STOX2: variants seen among roughly 807,000 people sequenced by gnomAD.
STOX2 encodes storkhead box 2.
STOX2 carries 28 observed loss-of-function variants against 60.9 expected under a neutral mutation model. The observed-to-expected ratio is 0.46, with a 90% confidence interval of 0.34 to 0.63. STOX2 has a LOEUF of 0.63. STOX2 is among the 30% of genes least tolerant of loss of function. The pLI is 0.01. For missense variants in STOX2, 1,024 were observed against 1,187.7 expected, an observed-to-expected ratio of 0.86 and a Z score of 2.03; for synonymous variants, 472 against 463.9, an observed-to-expected ratio of 1.02 and a Z score of -0.22.
intron 1 of STOX2, among the ~76,000 whole-genome samples, chr4:183,861,020 TCCTTTTCAG>T (rs1740428784): frequency 6.6e-6 from 1 of 152,174 alleles, no homozygotes; most frequent in South Asian, 2.1e-4. Flanking sequence ...GAGAAACAAA[TCCTTTTCAG>T]TTGTTGTTAC....
At chr4:183,912,129 C>T (rs72998731) in intron 1 of STOX2, among the ~76,000 whole-genome samples, 2,145 of 152,328 alleles carry the variant, frequency 0.014, 50 homozygotes, top group African/African-American at 0.049. Flanking sequence ...TCCTCTTCAT[C>T]TCTGTTGCTG....
chr4:183,990,230 A>G (rs895122520), intron 1 of STOX2, among the ~76,000 whole-genome samples: 1 of 152,240 alleles, frequency 6.6e-6, no homozygotes, highest in Non-Finnish European at 1.5e-5. Context: ...CCCATCCTTA[A>G]GGACCTATTC....
At chr4:183,801,105 TC>T (rs1012459846) in intron 1 of STOX2, among the ~76,000 whole-genome samples, 1 of 152,212 alleles carries the variant, frequency 6.6e-6, no homozygotes, top group African/African-American at 2.4e-5. Flanking sequence ...CTGTAAAACT[TC>T]AGGTGAGGGT....
intron 1 of STOX2, among the ~76,000 whole-genome samples, chr4:183,881,970 A>G (rs1242335463): frequency 1.3e-5 from 2 of 152,224 alleles, no homozygotes; most frequent in South Asian, 2.1e-4. Flanking sequence ...GAGCTGACCT[A>G]GAACTGAATT....
chr4:183,913,694 C>A (rs1289092877), intron 1 of STOX2, among the ~76,000 whole-genome samples: 2 of 151,968 alleles, frequency 1.3e-5, no homozygotes, highest in Non-Finnish European at 2.9e-5. Flanking sequence ...TCTCTTGAAC[C>A]CTGGAGGTGG....
chr4:183,852,647 C>T (rs887016060), intron 1 of STOX2, among the ~76,000 whole-genome samples: 5 of 152,170 alleles, frequency 3.3e-5, no homozygotes, highest in Non-Finnish European at 7.3e-5. Flanking sequence ...CACCCTGTAC[C>T]TCGGAAGCAG....
chr4:183,856,569 G>A lies in STOX2; in HGVS notation c.364+58514G>A, dbSNP rs146901768. On this transcript the variant is annotated intron_variant, in intron 1 of 2. Coordinates refer to the STOX2 transcript ENST00000513034. The surrounding 1 kb of genome is among the most constrained non-coding windows in gnomAD (Gnocchi z 4.0). ...CCTTCCAAAGCCTTGTCTAAAAGCC[G>A]TCCCTGCTCTCAGCCACCTGCCCCT... 7.9e-5 allele frequency among the ~76,000 whole-genome samples: 12 copies of A among 152,270 alleles called. No homozygotes were observed. Among genetic ancestry groups the A allele is most frequent in the Middle Eastern group, 3.4e-3 (1 of 294 alleles).
intron 1 of STOX2, among the ~76,000 whole-genome samples, chr4:183,982,705 C>T (rs1417963892): frequency 2.6e-5 from 4 of 152,148 alleles, no homozygotes; most frequent in Non-Finnish European, 4.4e-5. Context: ...CGTTGTGAAA[C>T]TCATGCATTT....
intron 1 of STOX2, among the ~76,000 whole-genome samples, chr4:183,921,685 C>T (rs1485434067): frequency 2.0e-5 from 3 of 152,096 alleles, no homozygotes; most frequent in Non-Finnish European, 4.4e-5. Flanking sequence ...TAAAGGAAAC[C>T]CCAGCTCTTT....
rs181342617 is a variant in STOX2, at chr4:183,872,210, A to C, written c.364+74155A>C. On this transcript the variant is annotated intron_variant, in intron 1 of 2. Transcript: ENST00000513034. ...GCTGAGATTACAGGCGCCCACAATC[A>C]TGCTCAGGTAATTTTTGTAGTTTTT... is the stretch of plus-strand genomic sequence containing the variant. 2.0e-4 allele frequency among the ~76,000 whole-genome samples: 31 copies of C among 152,242 alleles called. 1 individual carries two copies. The highest frequency in any genetic ancestry group is 7.2e-4 in the African/African-American group (30 of 41,552).
intron 1 of STOX2, among the ~76,000 whole-genome samples, chr4:183,805,028 G>A (rs2117689): frequency 0.18 from 26,633 of 152,146 alleles, 2,428 homozygotes; most frequent in African/African-American, 0.22. Flanking sequence ...TCTTGCGACG[G>A]GTTGAAAGTA....
rs947468246 is a variant in STOX2 at position 183,856,636 on chromosome 4, G to A, written c.364+58581G>A. 2.0e-5 allele frequency among the ~76,000 whole-genome samples: 3 copies of A among 152,152 alleles called. No individual in the cohort carries two copies. Among genetic ancestry groups the A allele is most frequent in the Non-Finnish European group, 2.9e-5 (2 of 68,036 alleles). On this transcript the variant is annotated intron_variant, in intron 1 of 2. Transcript: ENST00000513034. This position sits in a 1 kb window ranked among gnomAD's most constrained non-coding sequence, Gnocchi z 4.0. ...TGGTAGGGTGGTTCATGTGAACATC[G>A]CTTTGCAGTTAGCTGTCTCGGACTC...
intron 1 of STOX2, among the ~76,000 whole-genome samples, chr4:183,868,201 T>C (rs992562014): frequency 6.6e-6 from 1 of 152,006 alleles, no homozygotes; most frequent in Non-Finnish European, 1.5e-5. Context: ...ACTTTGCTAA[T>C]ACAGTTTAGT....
intron 1 of STOX2, among the ~76,000 whole-genome samples, chr4:183,987,045 AT>A: frequency 6.6e-6 from 1 of 152,138 alleles, no homozygotes; most frequent in East Asian, 1.9e-4. Flanking sequence ...ACCCACCTCT[AT>A]GGGTTTCTGA....
At chr4:184,002,618 T>C (rs1248674946) in intron 2 of STOX2, among the ~76,000 whole-genome samples, 1 of 152,200 alleles carries the variant, frequency 6.6e-6, no homozygotes, top group East Asian at 1.9e-4. Flanking sequence ...ACTTGCGGGA[T>C]GGCAGAGGCA....
chr4:183,964,879 C>T (rs933501668), intron 1 of STOX2, among the ~76,000 whole-genome samples: 1 of 152,202 alleles, frequency 6.6e-6, no homozygotes, highest in African/African-American at 2.4e-5. Flanking sequence ...CCACTGTGCC[C>T]AGCCAAATTG....
intron 1 of STOX2, among the ~76,000 whole-genome samples, chr4:183,986,836 T>G (rs913403761): frequency 2.0e-5 from 3 of 151,828 alleles, no homozygotes; most frequent in Middle Eastern, 3.2e-3. Flanking sequence ...ATCACCGGAG[T>G]CAGGAGAGGA....
chr4:183,924,088 G>C (rs1400836714), intron 1 of STOX2, among the ~76,000 whole-genome samples: 1 of 152,184 alleles, frequency 6.6e-6, no homozygotes, highest in Non-Finnish European at 1.5e-5. Context: ...TGTACAGTTA[G>C]GTTTGGTAGC....
intron 1 of STOX2, among the ~76,000 whole-genome samples, chr4:183,819,328 C>T (rs1440230830): frequency 2.0e-5 from 3 of 151,942 alleles, no homozygotes; most frequent in Admixed American, 1.3e-4. Flanking sequence ...AGATCACTCC[C>T]GGTTAGGAGC....
Sources: gnomAD v4.1 joint callset for allele counts (sites outside exome capture counted in the v4.1 genomes callset) on GRCh38, gnomAD v4.1.1 for gene constraint, Gnocchi (gnomAD v3.1) non-coding constraint, MANE v1.5 for transcripts, NCBI Gene and HGNC (gene_info 2026-07-23, HGNC 2026-07-21) for gene names.